LDB2: variants seen among roughly 807,000 people sequenced by gnomAD.
LDB2 encodes LIM domain binding 2, also known as LIM domain-binding protein 2.
LDB2 carries 12 observed loss-of-function variants against 44.3 expected under a neutral mutation model. The observed-to-expected ratio is 0.27, with a 90% CI of 0.17 to 0.44. The LOEUF (loss-of-function observed/expected upper bound fraction) is 0.44, where lower values mean the gene tolerates loss of function less well. LDB2 is among the 20% of genes least tolerant of loss of function. The pLI is 1.00. For missense variants in LDB2, 344 were observed against 473.5 expected, an observed-to-expected ratio of 0.73 and a Z score of 2.54; for synonymous variants, 164 against 174.8, an observed-to-expected ratio of 0.94 and a Z score of 0.49.
intron 5 of LDB2, among the ~76,000 whole-genome samples, chr4:16,561,295 A>G (rs1392449227): frequency 6.6e-6 from 1 of 152,238 alleles, no homozygotes; most frequent in Non-Finnish European, 1.5e-5. Flanking sequence ...TTTGCAGATG[A>G]CGTGATTGTA....
intron 1 of LDB2, among the ~76,000 whole-genome samples, chr4:16,764,731 A>G (rs1768814113): frequency 6.6e-6 from 1 of 152,200 alleles, no homozygotes; most frequent in Non-Finnish European, 1.5e-5. Context: ...GTAAACTTAG[A>G]GCCAACATCA....
rs1730721366 is a variant in LDB2 at position 16,533,235 on chromosome 4, C to T, written c.616-21131G>A. Among the ~76,000 whole-genome samples the T allele has an allele frequency of 2.0e-5, 3 of 152,160 alleles. No homozygotes were observed. The highest frequency in any genetic ancestry group is 2.0e-4 in the Admixed American group (3 of 15,262). On this transcript the variant is annotated intron_variant, in intron 5 of 7. Coordinates refer to ENST00000304523, the MANE Select transcript of LDB2 (RefSeq NM_001290.5). This position sits in a 1 kb window ranked among gnomAD's most constrained non-coding sequence, Gnocchi z 4.1. ...ACCCAGGTTCAAATCCCAGCCAGGT[C>T]CTACCAGCTGTGTGACTCTCCTCAA...
At chr4:16,534,868 G>T (rs978982478) in intron 5 of LDB2, among the ~76,000 whole-genome samples, 4 of 152,106 alleles carry the variant, frequency 2.6e-5, no homozygotes, top group African/African-American at 7.2e-5. Context: ...GTACCCTGAG[G>T]TCTCTCAGCT....
At chr4:16,812,915 A>G (rs1232911076) in intron 1 of LDB2, among the ~76,000 whole-genome samples, 3 of 152,120 alleles carry the variant, frequency 2.0e-5, no homozygotes, top group Non-Finnish European at 4.4e-5. Flanking sequence ...AAAAATTAAC[A>G]TTTAAATATT....
chr4:16,581,965 A>G (rs541252442), intron 5 of LDB2, among the ~76,000 whole-genome samples: 5 of 141,496 alleles, frequency 3.5e-5, no homozygotes, highest in African/African-American at 1.3e-4. Flanking sequence ...AAATAAAAGA[A>G]AGAAGGAAGG....
chr4:16,659,671 GTATATATA>G (rs58539901), intron 2 of LDB2, among the ~76,000 whole-genome samples: 1 of 133,520 alleles, frequency 7.5e-6, no homozygotes. Context: ...ATCTATGTGT[GTATATATA>G]TATATATATA....
intron 5 of LDB2, among the ~76,000 whole-genome samples, chr4:16,548,758 G>C (rs141472004): frequency 6.6e-6 from 1 of 152,206 alleles, no homozygotes; most frequent in Admixed American, 6.5e-5. Flanking sequence ...TTTGGGAAAT[G>C]TAATAGTCAC....
intron 5 of LDB2, among the ~76,000 whole-genome samples, chr4:16,544,709 A>G (rs1157463479): frequency 1.3e-5 from 2 of 152,188 alleles, no homozygotes; most frequent in Non-Finnish European, 2.9e-5. Flanking sequence ...AGGAAAAGCC[A>G]GTTTGGGAAA....
At chr4:16,545,269 T>A (rs1201194395) in intron 5 of LDB2, among the ~76,000 whole-genome samples, 1 of 151,492 alleles carries the variant, frequency 6.6e-6, no homozygotes, top group Non-Finnish European at 1.5e-5. Flanking sequence ...TCTGAGATCC[T>A]GCAGGATAGA....
chr4:16,716,798 A>C (rs995678068), intron 2 of LDB2, among the ~76,000 whole-genome samples: 4 of 152,082 alleles, frequency 2.6e-5, no homozygotes, highest in African/African-American at 9.7e-5. Flanking sequence ...CTTTACAAAC[A>C]TGGCACTTGT....
intron 1 of LDB2, among the ~76,000 whole-genome samples, chr4:16,885,420 A>G (rs2110470410): frequency 6.6e-6 from 1 of 152,346 alleles, no homozygotes. Context: ...AGAGAATATC[A>G]GTTGTTATGA....
chr4:16,653,981 C>T (rs1323306331), intron 2 of LDB2, among the ~76,000 whole-genome samples: 2 of 152,098 alleles, frequency 1.3e-5, no homozygotes, highest in South Asian at 2.1e-4. Flanking sequence ...CTGGAGAGCT[C>T]GGACAAGCTG....
At chr4:16,680,635 C>A (rs1288509406) in intron 2 of LDB2, among the ~76,000 whole-genome samples, 1 of 152,150 alleles carries the variant, frequency 6.6e-6, no homozygotes, top group African/African-American at 2.4e-5. Flanking sequence ...TGCCAAGCAG[C>A]AAGTAAGTAT....
At chr4:16,748,535 G>A (rs1764820657) in intron 2 of LDB2, among the ~76,000 whole-genome samples, 1 of 152,174 alleles carries the variant, frequency 6.6e-6, no homozygotes, top group Non-Finnish European at 1.5e-5. Flanking sequence ...TACAGTCGTA[G>A]AAGAGTGCTA....
chr4:16,601,177 G>A (rs760204472), intron 2 of LDB2, among the ~76,000 whole-genome samples: 13 of 152,114 alleles, frequency 8.5e-5, no homozygotes, highest in Non-Finnish European at 1.6e-4. Context: ...GGAAATCAAC[G>A]TAGTGATTAT....
chr4:16,816,023 C>T (rs1780819590), intron 1 of LDB2, among the ~76,000 whole-genome samples: 1 of 152,194 alleles, frequency 6.6e-6, no homozygotes, highest in Admixed American at 6.5e-5. Flanking sequence ...GCCTGGCCAA[C>T]ATGGTGAAAC....
intron 5 of LDB2, among the ~76,000 whole-genome samples, chr4:16,584,622 G>A (rs11730988): frequency 0.11 from 16,631 of 152,212 alleles, 1,009 homozygotes; most frequent in African/African-American, 0.14. Context: ...TGGTAACCTC[G>A]AAACACTACT....
rs182209924 is a variant in LDB2, at chr4:16,546,351, G to A, written c.616-34247C>T. ...AAAATGTGAATTGGCCCCCTACCAC[G>A]TAAAACTAATTTAAAGGAAATGGAA... On this transcript the variant is annotated intron_variant, in intron 5 of 7. Transcript: ENST00000304523. Among the ~76,000 whole-genome samples the A allele has an allele frequency of 2.2e-4, 33 of 152,200 alleles. No individual in the cohort carries two copies. The East Asian group carries it at 4.1e-3, about 19-fold the overall frequency.
rs1578148200 is a variant in LDB2, at chr4:16,604,180, T to G, written c.236-8305A>C. ...CAAATATGTTGCACCCTCTGAAGTTTGTAGTTTTCTATATTTGGATACTTA... is the reference window on the plus strand; with the variant it reads ...CAAATATGTTGCACCCTCTGAAGTTGGTAGTTTTCTATATTTGGATACTTA... On this transcript the variant is annotated intron_variant, in intron 2 of 7. Transcript: ENST00000304523. 2.6e-5 allele frequency among the ~76,000 whole-genome samples: 4 copies of G among 152,196 alleles called. No homozygotes were observed. In the South Asian group the frequency reaches 8.3e-4, roughly 32 times the overall value.
Sources: gnomAD v4.1 joint callset for allele counts (sites outside exome capture counted in the v4.1 genomes callset) on GRCh38, gnomAD v4.1.1 for gene constraint, Gnocchi (gnomAD v3.1) non-coding constraint, MANE v1.5 for transcripts, NCBI Gene and HGNC (gene_info 2026-07-23, HGNC 2026-07-21) for gene names.